TMTC1: variants seen among roughly 807,000 people sequenced by gnomAD.
TMTC1 encodes transmembrane O-mannosyltransferase targeting cadherins 1.
TMTC1 carries 73 observed loss-of-function variants against 104.8 expected under a neutral mutation model. The ratio of observed to expected loss-of-function variants is 0.70; its 90% confidence interval spans 0.58 to 0.85. TMTC1 has a LOEUF of 0.85. Among genes scored for constraint, TMTC1 ranks in the 40% least tolerant of loss-of-function variants. TMTC1 has a pLI of 0.00. For synonymous variants in TMTC1, 434 were observed against 428.7 expected (o/e 1.01, Z -0.15); for missense variants, 1,035 against 1,096.1 (o/e 0.94, Z 0.79).
At chr12:29,702,365 G>T (rs960379921) in intron 5 of TMTC1, among the ~76,000 whole-genome samples, 2 of 152,172 alleles carry the variant, frequency 1.3e-5, no homozygotes, top group Non-Finnish European at 2.9e-5. Context: ...GATGGGGATA[G>T]ATCACTCCTA....
chr12:29,757,733 C>T (rs956967953), intron 3 of TMTC1, among the ~76,000 whole-genome samples: 1 of 152,130 alleles, frequency 6.6e-6, no homozygotes, highest in African/African-American at 2.4e-5. Context: ...CTCACAGTTC[C>T]ACATGGCTGG....
chr12:29,708,656 G>C (rs1483506457), intron 5 of TMTC1, among the ~76,000 whole-genome samples: 1 of 152,182 alleles, frequency 6.6e-6, no homozygotes, highest in Non-Finnish European at 1.5e-5. Context: ...CTGACTGGCA[G>C]GTCCTTGGGA....
chr12:29,514,118 T>C (rs1387408905), intron 16 of TMTC1, among the ~76,000 whole-genome samples: 3 of 152,066 alleles, frequency 2.0e-5, no homozygotes, highest in Non-Finnish European at 4.4e-5. Context: ...AGAGAGGGCA[T>C]TTCAAGGACA....
chr12:29,674,316 GTGCCC>G (rs766121605), intron 5 of TMTC1, among the ~76,000 whole-genome samples: 84,015 of 151,752 alleles, frequency 0.55, 23,461 homozygotes, highest in African/African-American at 0.63. Context: ...TCTCACCACA[GTGCCC>G]AGCACATAAA....
In TMTC1 at chr12:29,716,298, G is replaced by A. The variant is rs191011267; in HGVS notation, c.938+35368C>T. ...CAGGTTCCCAAAGCTTTGAGATTAC[G>A]GGTATGAGCCACTACACCCAGAGAC... On this transcript the variant is annotated intron_variant, in intron 5 of 17. Transcript: ENST00000539277. Among the ~76,000 whole-genome samples the A allele has an allele frequency of 2.3e-3, 350 of 152,006 alleles. 1 individual carries two copies. The highest frequency in any genetic ancestry group is 2.6e-3 in the Non-Finnish European group (176 of 67,998).
intron 5 of TMTC1, among the ~76,000 whole-genome samples, chr12:29,642,960 A>AAAG (rs1565732241): frequency 8.6e-5 from 13 of 151,812 alleles, no homozygotes; most frequent in Non-Finnish European, 1.6e-4. Flanking sequence ...AACAAACAAA[A>AAAG]AAACCCATCA....
At position 29,740,245 on chromosome 12, in the gene TMTC1, G is replaced by T. The variant is rs552604510; in HGVS notation, c.938+11421C>A. Among the ~76,000 whole-genome samples, 174 of 152,302 alleles carry T rather than the reference G, an allele frequency of 1.1e-3. 1 individual carries two copies. Among genetic ancestry groups the T allele is most frequent in the African/African-American group, 3.8e-3 (158 of 41,550 alleles). On this transcript the variant is annotated intron_variant, in intron 5 of 17. Transcript: ENST00000539277. ...TTAATACTGAGTGTCAACTTGATTG[G>T]ATTGAAAGATACAAAGTATTAATCC... is the stretch of plus-strand genomic sequence containing the variant.
chr12:29,666,168 C>T (rs1940268897), intron 5 of TMTC1: 1 of 433,186 alleles, frequency 2.3e-6, no homozygotes, highest in Non-Finnish European at 4.5e-6. Context: ...TAAATGCTTA[C>T]TGAGCCAAAT....
Position 29,516,450 on chromosome 12 carries a change from C to T in TMTC1, c.2206G>A (p.Ala736Thr). The T allele has an allele frequency of 6.2e-7, 1 of 1,613,930 alleles. No homozygotes were observed. ...ACAATGTGATTGGTCATCTTTTCAG[C>T]TTCTTTTGTCTGACCCATCACGGCC... The part of the protein sequence containing the change: ...VLAVMGQTKE[A>T]EKMTNHIVSE... Residue 736 changes from alanine to threonine, a missense_variant, in exon 15 of 18, where the codon GCT becomes ACT. Coordinates refer to ENST00000539277, the MANE Select transcript of TMTC1 (RefSeq NM_001193451.2).
chr12:29,763,182 C>T (rs2120421692), intron 2 of TMTC1, among the ~76,000 whole-genome samples: 1 of 152,362 alleles, frequency 6.6e-6, no homozygotes, highest in South Asian at 2.1e-4. Context: ...CAACAGCAGA[C>T]TGTGCCAGCT....
At chr12:29,683,827 G>A (rs998647678) in intron 5 of TMTC1, among the ~76,000 whole-genome samples, 1 of 151,208 alleles carries the variant, frequency 6.6e-6, no homozygotes, top group Non-Finnish European at 1.5e-5. Context: ...AATTAGTAAA[G>A]ATAGTCTATT....
chr12:29,599,981 T>G (rs969156244), intron 7 of TMTC1, among the ~76,000 whole-genome samples: 3 of 134,566 alleles, frequency 2.2e-5, no homozygotes, highest in East Asian at 4.1e-4. Flanking sequence ...TGTGTGTGTG[T>G]GTGTGTATAT....
Position 29,514,503 on chromosome 12 carries a change from G to T in TMTC1, c.2409C>A (p.Asn803Lys). 1 of 1,613,698 alleles carries T rather than the reference G, an allele frequency of 6.2e-7. No individual in the cohort carries two copies. The highest frequency in any genetic ancestry group is 8.5e-7 in the Non-Finnish European group (1 of 1,179,920). ...ATACCTCAAAAGCTTTGTCGAGAAG[G>T]TTCTGCTCTCTTAATTGGTTTCCTT... ...FTKGNQLREQ[N>K]LLDKAFESYR... Residue 803 changes from asparagine (N) to lysine (K), a missense_variant, in exon 16 of 18, where the codon AAC (asparagine) becomes AAA (lysine). Transcript: ENST00000539277.
intron 5 of TMTC1, among the ~76,000 whole-genome samples, chr12:29,742,832 T>C (rs979129628): frequency 1.3e-5 from 2 of 152,188 alleles, no homozygotes; most frequent in African/African-American, 4.8e-5. Flanking sequence ...GTTTTTCTCT[T>C]ATCATCTATT....
At chr12:29,611,229 A>G (rs926010549) in intron 6 of TMTC1, among the ~76,000 whole-genome samples, 5 of 151,040 alleles carry the variant, frequency 3.3e-5, no homozygotes, top group South Asian at 2.1e-4. Flanking sequence ...TTTTTAATCA[A>G]CAGTCTGATC....
chr12:29,720,714 AAAAGAT>A, intron 5 of TMTC1, among the ~76,000 whole-genome samples: 1 of 152,272 alleles, frequency 6.6e-6, no homozygotes, highest in East Asian at 1.9e-4. Flanking sequence ...GATCAAGAGA[AAAAGAT>A]AAACAATGAA....
Position 29,556,989 on chromosome 12 carries a change from C to T in TMTC1, c.1544G>A (p.Arg515His), listed in dbSNP as rs141015646. 2,102 of 1,613,982 alleles carry T rather than the reference C, an allele frequency of 1.3e-3. 2 individuals carry two copies. Among genetic ancestry groups the T allele is most frequent in the Non-Finnish European group, 1.6e-3 (1,931 of 1,179,984 alleles). Reference sequence around the variant, plus strand: ...AAGGTTGTTGAGCGCACTTGCATGGCGTGGATACAACCTGAAAAGTTAAAA... The same window carrying T: ...AAGGTTGTTGAGCGCACTTGCATGGTGTGGATACAACCTGAAAAGTTAAAA... The part of the protein sequence containing the change: ...HYRTALKLYP[R>H]HASALNNLGT... The change falls in exon 10 of 18, where the codon CGC (arginine) becomes CAC (histidine). Residue 515 changes from arginine (R) to histidine (H), a missense_variant. Arg to His is a conservative substitution (Grantham distance 29). Coordinates refer to ENST00000539277, the MANE Select transcript of TMTC1 (RefSeq NM_001193451.2).
chr12:29,543,084 C>T (rs1055595728), intron 10 of TMTC1, among the ~76,000 whole-genome samples: 2 of 152,180 alleles, frequency 1.3e-5, no homozygotes, highest in Non-Finnish European at 2.9e-5. Context: ...TCATTAATTT[C>T]ATAAGAGAAA....
At position 29,572,885 on chromosome 12, in the gene TMTC1, G is replaced by A. The variant is rs541975711; in HGVS notation, c.1419-667C>T. ...CAATAAAGAACCAGAGGAAAAAAAA[G>A]ATTTAATGGTTTTCATAAAATGAGA... On this transcript the variant is annotated intron_variant, in intron 8 of 17. Coordinates refer to ENST00000539277, the MANE Select transcript of TMTC1 (RefSeq NM_001193451.2). Among the ~76,000 whole-genome samples the A allele has an allele frequency of 7.2e-5, 11 of 152,288 alleles. No individual in the cohort carries two copies. In the South Asian group the frequency reaches 2.3e-3, roughly 32 times the overall value.
Sources: gnomAD v4.1 joint callset for allele counts (sites outside exome capture counted in the v4.1 genomes callset) on GRCh38, gnomAD v4.1.1 for gene constraint, MANE v1.5 for transcripts, NCBI Gene and HGNC (gene_info 2026-07-23, HGNC 2026-07-21) for gene names.